Variants in BCAS1 observed in about 807,000 individuals in gnomAD.
BCAS1 encodes brain enriched myelin associated protein 1, also known as breast carcinoma-amplified sequence 1.
Under a neutral mutation model 65.4 loss-of-function variants are expected in BCAS1, and 46 were observed. That is an observed-to-expected ratio of 0.70 (90% CI 0.55 to 0.90). The LOEUF is 0.90. Ranked by LOEUF, BCAS1 falls within the 40% of genes least tolerant of loss-of-function variation. The pLI, the probability that BCAS1 is intolerant of heterozygous loss-of-function variation, is 0.00. For synonymous variants in BCAS1, 298 were observed against 293.5 expected, an observed-to-expected ratio of 1.02 and a Z score of -0.16; for missense variants, 793 against 771.2, an observed-to-expected ratio of 1.03 and a Z score of -0.33.
chr20:53,954,498 T>G (rs1907326027), intron 11 of BCAS1, among the ~76,000 whole-genome samples: 1 of 152,212 alleles, frequency 6.6e-6, no homozygotes, highest in Non-Finnish European at 1.5e-5. Flanking sequence ...TCTACCCTAA[T>G]TTTTGGTGTG....
chr20:53,985,559 GGAA>G, intron 7 of BCAS1, 60 bp from the exon 8 acceptor site: 1 of 1,462,884 alleles, frequency 6.8e-7, no homozygotes, highest in Non-Finnish European at 9.5e-7. Context: ...TTTTAAAAAT[GGAA>G]GATCTCTTTT....
chr20:54,061,753 CTTG>C (rs1223545119), intron 1 of BCAS1, among the ~76,000 whole-genome samples: 1 of 152,168 alleles, frequency 6.6e-6, no homozygotes, highest in East Asian at 1.9e-4. Flanking sequence ...ATGTAGGACA[CTTG>C]TTGTTTTGTG....
chr20:53,991,874 T>C (rs1267650976), intron 7 of BCAS1, among the ~76,000 whole-genome samples: 6 of 151,758 alleles, frequency 4.0e-5, no homozygotes, highest in Admixed American at 3.9e-4. Flanking sequence ...TATTACATAG[T>C]ATTCAAATAG....
intron 10 of BCAS1, among the ~76,000 whole-genome samples, chr20:53,961,868 G>A (rs142478526): frequency 4.5e-4 from 68 of 152,320 alleles, no homozygotes; most frequent in African/African-American, 1.6e-3. Flanking sequence ...ACTAGTCTCT[G>A]TGTCCTTATG....
chr20:54,036,495 G>C (rs1183145889), intron 3 of BCAS1, among the ~76,000 whole-genome samples: 2 of 151,268 alleles, frequency 1.3e-5, no homozygotes, highest in Non-Finnish European at 3.0e-5. Flanking sequence ...TAATTGTTAA[G>C]AACTTGGATT....
chr20:54,058,214 A>T (rs1451701167), intron 2 of BCAS1, 60 bp from the exon 3 acceptor site: 18 of 1,444,154 alleles, frequency 1.2e-5, no homozygotes, highest in Middle Eastern at 3.5e-4. Context: ...GAAGAACTCA[A>T]GGAAGAACCT....
At chr20:53,975,054 T>G (rs1020300740) in intron 9 of BCAS1, among the ~76,000 whole-genome samples, 1 of 151,966 alleles carries the variant, frequency 6.6e-6, no homozygotes, top group African/African-American at 2.4e-5. Flanking sequence ...GCAGTCAAGG[T>G]GGAATGAAGC....
intron 4 of BCAS1, among the ~76,000 whole-genome samples, chr20:53,998,339 G>T (rs1057476237): frequency 6.6e-6 from 1 of 152,158 alleles, no homozygotes; most frequent in Admixed American, 6.5e-5. Context: ...AAGAAAAGAG[G>T]TTTCATTGGC....
intron 8 of BCAS1, among the ~76,000 whole-genome samples, chr20:53,977,705 C>A (rs1282710824): frequency 1.3e-5 from 2 of 152,082 alleles, no homozygotes; most frequent in Non-Finnish European, 2.9e-5. Context: ...GGTTTCAGAC[C>A]TCCACATCTT....
At chr20:54,003,772 C>T (rs1244939775) in intron 4 of BCAS1, among the ~76,000 whole-genome samples, 2 of 152,136 alleles carry the variant, frequency 1.3e-5, no homozygotes, top group Non-Finnish European at 2.9e-5. Context: ...AAATAAAAGC[C>T]ATGGTCTTAA....
chr20:54,018,936 G>A (rs941046828), intron 4 of BCAS1, among the ~76,000 whole-genome samples: 3 of 152,118 alleles, frequency 2.0e-5, no homozygotes, highest in African/African-American at 7.2e-5. Flanking sequence ...TGGAAATATA[G>A]GGCAAAACTA....
In BCAS1 at chr20:53,966,998, C is replaced by T. The variant is rs139595442; in HGVS notation, c.1393G>A (p.Glu465Lys). Residue 465 changes from glutamate to lysine, a missense_variant, in exon 10 of 13, where the codon GAA becomes AAA. Transcript: ENST00000688948. ...ESALQTVDLN[E>K]GDAAPEPTEA... Reference sequence around the variant, plus strand: ...GTGGGTTCAGGTGCAGCATCTCCTTCGTTGAGGTCCACTGTTTGTAAGGCT... The same window carrying T: ...GTGGGTTCAGGTGCAGCATCTCCTTTGTTGAGGTCCACTGTTTGTAAGGCT... The T allele has an allele frequency of 3.3e-4, 528 of 1,613,264 alleles. 1 individual carries two copies. In the Middle Eastern group the frequency reaches 6.6e-3, roughly 20 times the overall value.
intron 4 of BCAS1, among the ~76,000 whole-genome samples, chr20:54,027,126 G>GA (rs776919023): frequency 6.6e-6 from 1 of 152,166 alleles, no homozygotes. Context: ...TGTTTGAAGG[G>GA]AAAATGTTTA....
In BCAS1 at chr20:54,069,329, C is replaced by T. The variant is rs75393227; in HGVS notation, c.-6+1104G>A. On this transcript the variant is annotated intron_variant, in intron 1 of 12. Transcript: ENST00000688948. Reference sequence around the variant, plus strand: ...TGAAATTTGTGAAAATCAAAATTACCGCTGTTCCTGATCTTATCTTTCTGT... The same window carrying T: ...TGAAATTTGTGAAAATCAAAATTACTGCTGTTCCTGATCTTATCTTTCTGT... Among the ~76,000 whole-genome samples, 1,153 of 152,298 alleles carry T rather than the reference C, an allele frequency of 7.6e-3. 10 individuals carry two copies. Among genetic ancestry groups the T allele is most frequent in the African/African-American group, 0.026 (1,083 of 41,556 alleles).
At chr20:54,019,599 C>A (rs926038958) in intron 4 of BCAS1, among the ~76,000 whole-genome samples, 1 of 152,128 alleles carries the variant, frequency 6.6e-6, no homozygotes, top group African/African-American at 2.4e-5. Context: ...AGGAGATTAA[C>A]ATTTGAGTCA....
rs1418555046 is a variant in BCAS1 at position 53,978,602 on chromosome 20, TAAA to T, written c.1276-3175_1276-3173del. The stretch of plus-strand genomic sequence containing the variant: ...GAAAACAGGAGATAAATGCACTATG[TAAA>T]GGATTAAATGCTTCTCAGATTGTGT... On this transcript the variant is annotated intron_variant, in intron 8 of 12. Transcript: ENST00000688948. 3.9e-5 allele frequency among the ~76,000 whole-genome samples: 6 copies of T among 152,354 alleles called. No individual in the cohort carries two copies. In the East Asian group the frequency reaches 5.8e-4, roughly 15 times the overall value.
chr20:54,034,063 C>T (rs894511788), intron 3 of BCAS1, among the ~76,000 whole-genome samples: 4 of 151,320 alleles, frequency 2.6e-5, no homozygotes, highest in African/African-American at 9.7e-5. Context: ...GCAGAAAAGG[C>T]TTTCAATAAA....
chr20:54,022,905 C>A (rs906460802), intron 4 of BCAS1, among the ~76,000 whole-genome samples: 2 of 152,162 alleles, frequency 1.3e-5, no homozygotes, highest in African/African-American at 4.8e-5. Flanking sequence ...TCATATTAAG[C>A]GTTTCTTACT....
intron 1 of BCAS1, among the ~76,000 whole-genome samples, chr20:54,061,535 C>A (rs1248771718): frequency 6.6e-6 from 1 of 152,146 alleles, no homozygotes; most frequent in Non-Finnish European, 1.5e-5. Context: ...CAATGAGTCA[C>A]CAGGGATTCT....
Sources: gnomAD v4.1 joint callset for allele counts (sites outside exome capture counted in the v4.1 genomes callset) on GRCh38, gnomAD v4.1.1 for gene constraint, MANE v1.5 for transcripts, NCBI Gene and HGNC (gene_info 2026-07-23, HGNC 2026-07-21) for gene names.